CACNA2D3: variants seen among roughly 807,000 people sequenced by gnomAD.
The protein encoded by CACNA2D3 is calcium voltage-gated channel auxiliary subunit alpha2delta 3, also known as voltage-dependent calcium channel subunit alpha-2/delta-3.
In CACNA2D3, 60 loss-of-function variants were observed where a neutral mutation model predicts 160.6. That is an observed-to-expected ratio of 0.37 (90% confidence interval 0.30 to 0.46). The LOEUF is 0.46. Ranked by LOEUF, CACNA2D3 falls within the 20% of genes least tolerant of loss-of-function variation. CACNA2D3 has a pLI of 1.00. For missense variants in CACNA2D3, 1,205 were observed against 1,365.0 expected (o/e 0.88, Z 1.85); for synonymous variants, 558 against 492.9 (o/e 1.13, Z -1.75).
intron 35 of CACNA2D3, among the ~76,000 whole-genome samples, chr3:55,046,138 A>C (rs1704076180): frequency 6.7e-6 from 1 of 150,116 alleles, no homozygotes; most frequent in African/African-American, 2.5e-5. Flanking sequence ...TTTAGGGCAC[A>C]TGTGCACATT....
At chr3:54,549,736 T>G (rs551190997) in intron 5 of CACNA2D3, among the ~76,000 whole-genome samples, 1 of 152,376 alleles carries the variant, frequency 6.6e-6, no homozygotes, top group East Asian at 1.9e-4. Context: ...TACACGCATT[T>G]GTACAGTTCC....
At chr3:54,471,153 AT>A (rs1700724986) in intron 4 of CACNA2D3, among the ~76,000 whole-genome samples, 2 of 152,308 alleles carry the variant, frequency 1.3e-5, no homozygotes, top group South Asian at 4.1e-4. Flanking sequence ...TGACTATGTA[AT>A]TGGAAGTAAA....
chr3:54,739,757 G>A (rs1361108814), intron 11 of CACNA2D3, among the ~76,000 whole-genome samples: 2 of 6,088 alleles, frequency 3.3e-4, no homozygotes, highest in East Asian at 3.7e-3. Context: ...ATATATGTGT[G>A]TGTGTGTGTG....
chr3:54,323,659 G>A (rs1472413916), intron 3 of CACNA2D3, among the ~76,000 whole-genome samples: 3 of 151,962 alleles, frequency 2.0e-5, no homozygotes, highest in African/African-American at 7.3e-5. Flanking sequence ...GTAGAGACGG[G>A]GTTTCACTGT....
chr3:54,799,650 A>G (rs1412154357), intron 13 of CACNA2D3, among the ~76,000 whole-genome samples: 1 of 152,204 alleles, frequency 6.6e-6, no homozygotes, highest in Non-Finnish European at 1.5e-5. Context: ...TGTAGGGAAT[A>G]TGAAGACCCT....
chr3:54,312,410 C>G (rs1338704375), intron 2 of CACNA2D3, among the ~76,000 whole-genome samples: 2 of 152,126 alleles, frequency 1.3e-5, no homozygotes, highest in Non-Finnish European at 2.9e-5. Flanking sequence ...CAAGTCCACT[C>G]AGAGCCCCTC....
At chr3:54,199,218 A>G (rs1197220630) in intron 2 of CACNA2D3, among the ~76,000 whole-genome samples, 1 of 152,098 alleles carries the variant, frequency 6.6e-6, no homozygotes, top group African/African-American at 2.4e-5. Flanking sequence ...CTCTTTGGCA[A>G]ATCTGGTTTC....
chr3:54,230,660 A>G (rs543153930), intron 2 of CACNA2D3, among the ~76,000 whole-genome samples: 5 of 152,242 alleles, frequency 3.3e-5, no homozygotes, highest in Non-Finnish European at 5.9e-5. Context: ...AAGAAATGCA[A>G]TAATTTGTGT....
intron 4 of CACNA2D3, among the ~76,000 whole-genome samples, chr3:54,409,459 G>A (rs991632686): frequency 6.6e-6 from 1 of 152,058 alleles, no homozygotes; most frequent in Admixed American, 6.6e-5. Flanking sequence ...TTGAAATTAG[G>A]CCAATTAATA....
At chr3:54,920,996 T>C (rs1430078892) in intron 27 of CACNA2D3, among the ~76,000 whole-genome samples, 1 of 152,110 alleles carries the variant, frequency 6.6e-6, no homozygotes, top group Non-Finnish European at 1.5e-5. Flanking sequence ...TGCTCTGTGG[T>C]CTCCTGTGCA....
intron 20 of CACNA2D3, among the ~76,000 whole-genome samples, chr3:54,880,221 T>C (rs1559614748): frequency 6.6e-6 from 1 of 152,228 alleles, no homozygotes; most frequent in East Asian, 1.9e-4. Context: ...TAAGGGACTA[T>C]GTTTTAAAAA....
rs145938263 is a variant in CACNA2D3, at chr3:55,016,324, G to A, written c.2876-1882G>A. Among the ~76,000 whole-genome samples, 8 of 152,306 alleles carry A rather than the reference G, an allele frequency of 5.3e-5. No homozygotes were observed. The East Asian group carries it at 9.7e-4, about 18-fold the overall frequency. On this transcript the variant is annotated intron_variant, in intron 34 of 37. Coordinates refer to ENST00000474759, the MANE Select transcript of CACNA2D3 (RefSeq NM_018398.3). The stretch of plus-strand genomic sequence containing the variant: ...CATACACTTAAGCAGCACTCACAGC[G>A]TGCCAGCTACTGTCCATGTAATTCA...
intron 14 of CACNA2D3, among the ~76,000 whole-genome samples, chr3:54,832,857 T>G (rs996865560): frequency 6.6e-5 from 10 of 152,156 alleles, no homozygotes; most frequent in African/African-American, 2.2e-4. Flanking sequence ...GAGGAGTGTT[T>G]ATTAAGGAAA....
intron 13 of CACNA2D3, among the ~76,000 whole-genome samples, chr3:54,800,553 C>G (rs1269356760): frequency 2.6e-5 from 4 of 152,170 alleles, no homozygotes; most frequent in Non-Finnish European, 4.4e-5. Context: ...TGAGAATTTT[C>G]AGGACATTAT....
At chr3:55,043,978 TTTCTC>T (rs1194645605) in intron 35 of CACNA2D3, among the ~76,000 whole-genome samples, 5 of 152,228 alleles carry the variant, frequency 3.3e-5, no homozygotes, top group East Asian at 1.9e-4. Flanking sequence ...GTGTCTGTCT[TTTCTC>T]TAATATAAAA....
At chr3:54,195,075 C>T (rs573985790) in intron 2 of CACNA2D3, among the ~76,000 whole-genome samples, 1 of 152,296 alleles carries the variant, frequency 6.6e-6, no homozygotes, top group South Asian at 2.1e-4. Flanking sequence ...TTACAGCCAG[C>T]CCTTGAACCT....
chr3:55,046,142 G>A (rs1704076307), intron 35 of CACNA2D3, among the ~76,000 whole-genome samples: 1 of 148,774 alleles, frequency 6.7e-6, no homozygotes, highest in South Asian at 2.1e-4. Context: ...GGGCACATGT[G>A]CACATTGTGC....
intron 8 of CACNA2D3, among the ~76,000 whole-genome samples, chr3:54,573,631 G>T (rs1190747511): frequency 6.6e-6 from 1 of 152,186 alleles, no homozygotes; most frequent in Non-Finnish European, 1.5e-5. Context: ...GCAAGGTTGG[G>T]TGTGCTTCTA....
At chr3:54,706,552 C>G (rs886449725) in intron 11 of CACNA2D3, among the ~76,000 whole-genome samples, 2 of 152,190 alleles carry the variant, frequency 1.3e-5, no homozygotes, top group Non-Finnish European at 2.9e-5. Context: ...CTTGGACTTT[C>G]ATGAGTGACA....
Sources: gnomAD v4.1 joint callset for allele counts (sites outside exome capture counted in the v4.1 genomes callset) on GRCh38, gnomAD v4.1.1 for gene constraint, MANE v1.5 for transcripts, NCBI Gene and HGNC (gene_info 2026-07-23, HGNC 2026-07-21) for gene names.